CD247: variants seen among roughly 807,000 people sequenced by gnomAD.
CD247 encodes the protein CD247 molecule, also known as T-cell surface glycoprotein CD3 zeta chain.
In CD247, 13 loss-of-function variants were observed where a neutral mutation model predicts 30.0. That is an observed-to-expected ratio of 0.43 (90% confidence interval 0.28 to 0.69). The LOEUF (loss-of-function observed/expected upper bound fraction) is 0.69. Ranked by LOEUF, CD247 falls within the 30% of genes least tolerant of loss-of-function variation. The pLI is 0.16. For missense variants in CD247, 193 were observed against 212.6 expected, an observed-to-expected ratio of 0.91 and a Z score of 0.57; for synonymous variants, 72 against 80.0, an observed-to-expected ratio of 0.90 and a Z score of 0.53.
At chr1:167,514,057 G>A (rs1279490358) in intron 1 of CD247, among the ~76,000 whole-genome samples, 1 of 152,164 alleles carries the variant, frequency 6.6e-6, no homozygotes, top group Non-Finnish European at 1.5e-5. Flanking sequence ...AACCATTAAA[G>A]TTAATTTAAT....
At position 167,468,168 on chromosome 1, in the gene CD247, T is replaced by TA. The variant is rs879305926; in HGVS notation, c.59-27402dup. ...ATACCCAATGAGAAAAGATTTCCAG[T>TA]AAAAAAAAAATGAGGGGAAGATTTA... On this transcript the variant is annotated intron_variant, in intron 1 of 7. Transcript: ENST00000362089. Among the ~76,000 whole-genome samples the TA allele has an allele frequency of 2.3e-3, 347 of 147,838 alleles. 1 individual carries two copies. Among genetic ancestry groups the TA allele is most frequent in the African/African-American group, 7.9e-3 (321 of 40,450 alleles).
At chr1:167,435,970 A>T (rs948328003) in intron 4 of CD247, among the ~76,000 whole-genome samples, 1 of 152,236 alleles carries the variant, frequency 6.6e-6, no homozygotes, top group Non-Finnish European at 1.5e-5. Flanking sequence ...ATCAGCCTGG[A>T]CAGGGGCTGG....
intron 4 of CD247, 88 bp from the exon 5 acceptor site, chr1:167,435,522 T>A: frequency 9.4e-7 from 1 of 1,059,252 alleles, no homozygotes; most frequent in Non-Finnish European, 1.5e-6. Context: ...GCCCCCTGAC[T>A]GCAGTTTCCT....
At chr1:167,475,571 A>C (rs1199293978) in intron 1 of CD247, among the ~76,000 whole-genome samples, 1 of 152,232 alleles carries the variant, frequency 6.6e-6, no homozygotes, top group Admixed American at 6.5e-5. Context: ...CACCAAAAGA[A>C]AGAGCAGGAC....
chr1:167,487,301 G>A (rs1241052637), intron 1 of CD247, among the ~76,000 whole-genome samples: 4 of 150,178 alleles, frequency 2.7e-5, no homozygotes, highest in East Asian at 3.9e-4. Context: ...GCTTGAATTC[G>A]GGAGGTGGAG....
At chr1:167,437,504 C>A (rs1005009871) in intron 4 of CD247, among the ~76,000 whole-genome samples, 1 of 152,002 alleles carries the variant, frequency 6.6e-6, no homozygotes, top group Non-Finnish European at 1.5e-5. Flanking sequence ...GACTGTGGAA[C>A]ATACACACAA....
At chr1:167,506,250 T>C (rs868759438) in intron 1 of CD247, among the ~76,000 whole-genome samples, 4 of 30,922 alleles carry the variant, frequency 1.3e-4, no homozygotes, top group African/African-American at 2.0e-4. Flanking sequence ...CTTTTCCTTT[T>C]CTTTTCTTTT....
chr1:167,435,464 G>T, intron 4 of CD247, 30 bp from the exon 5 acceptor site: 1 of 1,595,674 alleles, frequency 6.3e-7, no homozygotes, highest in Non-Finnish European at 8.6e-7. Context: ...GACGTTAGAG[G>T]GAGAGAAACA....
At chr1:167,438,312 G>A (rs997530901) in intron 4 of CD247, among the ~76,000 whole-genome samples, 4 of 152,240 alleles carry the variant, frequency 2.6e-5, no homozygotes, top group Non-Finnish European at 4.4e-5. Flanking sequence ...GGAGCAGTTT[G>A]AGGGGAAGTG....
chr1:167,455,717 C>A (rs981440451), intron 1 of CD247, among the ~76,000 whole-genome samples: 2 of 152,350 alleles, frequency 1.3e-5, no homozygotes, highest in East Asian at 1.9e-4. Context: ...CGCCCCCAGG[C>A]CCCCGCGCTG....
chr1:167,440,831 C>A, intron 1 of CD247, 64 bp from the exon 2 acceptor site: 1 of 997,626 alleles, frequency 1.0e-6, no homozygotes, highest in East Asian at 2.4e-5. Context: ...CCCATTACCC[C>A]AGGGTGGCAC....
At chr1:167,463,010 T>C (rs773611586) in intron 1 of CD247, among the ~76,000 whole-genome samples, 22 of 152,218 alleles carry the variant, frequency 1.4e-4, no homozygotes, top group Non-Finnish European at 2.1e-4. Flanking sequence ...TTACCTGGCA[T>C]CCCTGGCCCT....
At chr1:167,462,538 C>G (rs1005086607) in intron 1 of CD247, among the ~76,000 whole-genome samples, 52 of 152,230 alleles carry the variant, frequency 3.4e-4, no homozygotes, top group Admixed American at 2.9e-3. Flanking sequence ...TCTACATACA[C>G]GAGAACCCAA....
At chr1:167,511,657 G>C (rs1295598769) in intron 1 of CD247, among the ~76,000 whole-genome samples, 1 of 152,148 alleles carries the variant, frequency 6.6e-6, no homozygotes, top group African/African-American at 2.4e-5. Context: ...GAGAGGAAAA[G>C]AGTAAGTGCT....
chr1:167,477,849 T>C (rs1445254632), intron 1 of CD247, among the ~76,000 whole-genome samples: 2 of 152,176 alleles, frequency 1.3e-5, no homozygotes, highest in Admixed American at 6.5e-5. Flanking sequence ...GTCTTGATAA[T>C]TTCTTGGGAT....
At chr1:167,505,425 ATG>A (rs1299514866) in intron 1 of CD247, among the ~76,000 whole-genome samples, 1 of 152,204 alleles carries the variant, frequency 6.6e-6, no homozygotes, top group African/African-American at 2.4e-5. Flanking sequence ...ATTTACTTGT[ATG>A]TGTTTGCATG....
intron 1 of CD247, chr1:167,457,859 A>G (rs1558006235): frequency 1.3e-5 from 2 of 152,336 alleles, no homozygotes; most frequent in East Asian, 3.9e-4. Flanking sequence ...CTACCACTGC[A>G]GGACTGTAGG....
Position 167,465,160 on chromosome 1 carries a change from T to C in CD247, c.59-24393A>G, listed in dbSNP as rs1653183108. Among the ~76,000 whole-genome samples, 2 of 152,102 alleles carry C rather than the reference T, an allele frequency of 1.3e-5. 1 individual carries two copies. The highest frequency in any genetic ancestry group is 4.2e-4 in the South Asian group (2 of 4,814). ...AGAGACCTATCCAGACAGAGAATCA[T>C]GTGTTTACAAGCCTCATACACAGAG... is the stretch of plus-strand genomic sequence containing the variant. On this transcript the variant is annotated intron_variant, in intron 1 of 7. Coordinates refer to ENST00000362089, the MANE Select transcript of CD247 (RefSeq NM_198053.3).
chr1:167,512,254 T>C (rs1027967441), intron 1 of CD247, among the ~76,000 whole-genome samples: 1 of 152,062 alleles, frequency 6.6e-6, no homozygotes, highest in Non-Finnish European at 1.5e-5. Flanking sequence ...GGGATGGACT[T>C]TGTCCTTGGA....
Sources: gnomAD v4.1 joint callset for allele counts (sites outside exome capture counted in the v4.1 genomes callset) on GRCh38, gnomAD v4.1.1 for gene constraint, MANE v1.5 for transcripts, NCBI Gene and HGNC (gene_info 2026-07-23, HGNC 2026-07-21) for gene names.